The following JMJD1C variants were observed in gnomAD, a reference collection of about 807,000 sequenced individuals.
JMJD1C encodes jumonji domain-containing protein 1C.
A neutral mutation model predicts 245.3 loss-of-function variants in JMJD1C; 31 were observed. That is an observed-to-expected ratio of 0.13 (90% CI 0.09 to 0.17). JMJD1C has a LOEUF of 0.17. JMJD1C is among the 10% of genes least tolerant of loss of function. The pLI is 1.00. For synonymous variants in JMJD1C, 1,057 were observed against 1,017.4 expected, an observed-to-expected ratio of 1.04 and a Z score of -0.74; for missense variants, 2,691 against 3,000.2, an observed-to-expected ratio of 0.90 and a Z score of 2.41.
At chr10:63,389,456 CTT>C (rs201032087) in intron 1 of JMJD1C, among the ~76,000 whole-genome samples, 59 of 139,472 alleles carry the variant, frequency 4.2e-4, no homozygotes, top group Admixed American at 1.3e-3. Flanking sequence ...TTTTTTTTTC[CTT>C]TTTTTTTTTT....
At chr10:63,437,531 C>T (rs1273637995) in intron 1 of JMJD1C, among the ~76,000 whole-genome samples, 1 of 152,166 alleles carries the variant, frequency 6.6e-6, no homozygotes, top group African/African-American at 2.4e-5. Flanking sequence ...TCCTTAGTTG[C>T]ATCATCAACT....
intron 16 of JMJD1C, among the ~76,000 whole-genome samples, 164 bp downstream of exon 16, chr10:63,192,774 G>A (rs758560038): frequency 6.6e-6 from 1 of 152,038 alleles, no homozygotes; most frequent in Non-Finnish European, 1.5e-5. Context: ...TTCCTAATAA[G>A]TGAAGACAAA....
chr10:63,288,803 C>T (rs973960613), intron 2 of JMJD1C, among the ~76,000 whole-genome samples: 3 of 151,506 alleles, frequency 2.0e-5, no homozygotes, highest in African/African-American at 7.3e-5. Context: ...TGCTTGAACC[C>T]GGGAGGCAGA....
intron 3 of JMJD1C, among the ~76,000 whole-genome samples, chr10:63,234,960 A>G (rs1342187136): frequency 6.6e-6 from 1 of 152,038 alleles, no homozygotes; most frequent in Non-Finnish European, 1.5e-5. Flanking sequence ...GAGGGCATAC[A>G]TTTTCTTTAC....
At chr10:63,248,546 A>G (rs1294883879) in intron 3 of JMJD1C, among the ~76,000 whole-genome samples, 1 of 151,556 alleles carries the variant, frequency 6.6e-6, no homozygotes, top group Non-Finnish European at 1.5e-5. Flanking sequence ...AAATAAATAA[A>G]TAAATAAATA....
At chr10:63,360,427 A>G (rs1018829747) in intron 2 of JMJD1C, among the ~76,000 whole-genome samples, 3 of 152,344 alleles carry the variant, frequency 2.0e-5, no homozygotes, top group Middle Eastern at 3.4e-3. Flanking sequence ...TTATATACCT[A>G]ATCTACTCTG....
chr10:63,496,537 C>A (rs950903659), intron 1 of JMJD1C, among the ~76,000 whole-genome samples: 5 of 152,114 alleles, frequency 3.3e-5, no homozygotes, highest in African/African-American at 1.2e-4. Flanking sequence ...GTGGGAGAGT[C>A]CCTTGAATTC....
chr10:63,508,657 T>C (rs946732590), intron 1 of JMJD1C, among the ~76,000 whole-genome samples: 1 of 152,228 alleles, frequency 6.6e-6, no homozygotes, highest in Non-Finnish European at 1.5e-5. Flanking sequence ...TTTTCTTTCA[T>C]CAGTTTTGTA....
intron 1 of JMJD1C, among the ~76,000 whole-genome samples, chr10:63,461,954 T>C (rs1952827495): frequency 6.6e-6 from 1 of 152,166 alleles, no homozygotes; most frequent in Non-Finnish European, 1.5e-5. Flanking sequence ...ACAAATATTA[T>C]GCAACAGTAC....
intron 1 of JMJD1C, among the ~76,000 whole-genome samples, chr10:63,384,997 G>A (rs996522876): frequency 7.2e-5 from 11 of 152,088 alleles, no homozygotes; most frequent in Admixed American, 1.3e-4. Context: ...AGAGATGTGT[G>A]ACTATTCCTT....
At chr10:63,264,554 A>G in intron 3 of JMJD1C, 97 bp downstream of exon 3, 1 of 607,470 alleles carries the variant, frequency 1.6e-6, no homozygotes, top group South Asian at 2.2e-5. Context: ...TAGAAGTTAG[A>G]TGAAATGATA....
intron 1 of JMJD1C, among the ~76,000 whole-genome samples, chr10:63,520,505 C>CAAA (rs34697427): frequency 9.9e-5 from 11 of 111,312 alleles, no homozygotes; most frequent in South Asian, 2.7e-4. Flanking sequence ...GGTACTGTCA[C>CAAA]AAAAAAAAAA....
intron 2 of JMJD1C, among the ~76,000 whole-genome samples, chr10:63,359,716 CAG>C (rs1232332938): frequency 8.3e-4 from 126 of 152,214 alleles, no homozygotes; most frequent in African/African-American, 2.8e-3. Context: ...ATCATTTTAT[CAG>C]AGTTACTAAT....
chr10:63,442,064 T>C (rs1346709040), intron 1 of JMJD1C, among the ~76,000 whole-genome samples: 1 of 152,240 alleles, frequency 6.6e-6, no homozygotes, highest in Non-Finnish European at 1.5e-5. Flanking sequence ...TTGAGGTAAC[T>C]GGTGAGATCT....
intron 1 of JMJD1C, among the ~76,000 whole-genome samples, chr10:63,393,721 A>T (rs1294684738): frequency 6.6e-6 from 1 of 152,172 alleles, no homozygotes; most frequent in Non-Finnish European, 1.5e-5. Flanking sequence ...CTACTCAACT[A>T]TTGGTAGATG....
chr10:63,190,214 AT>A (rs896929946), intron 17 of JMJD1C, among the ~76,000 whole-genome samples: 2 of 138,168 alleles, frequency 1.4e-5, no homozygotes, highest in East Asian at 4.4e-4. Context: ...ATATACTTTT[AT>A]TTTTTTTGAG....
rs762708090 is a variant in JMJD1C at position 63,184,674 on chromosome 10, A to G, written c.6895T>C (p.Leu2299=). 1 of 1,613,884 alleles carries G rather than the reference A, an allele frequency of 6.2e-7. No homozygotes were observed. The highest frequency in any genetic ancestry group is 1.1e-5 in the South Asian group (1 of 91,040). The change falls in exon 21 of 26, where the codon TTG becomes CTG. Residue 2299 remains leucine (L), a synonymous_variant. Transcript: ENST00000399262. ...AAAAATCCTGGCAAATGAGAGGCCA[A>G]ATTGAATTTTCCTTCTGGATTACAA... ...EYCNPEGKFN[L]ASHLPGFFVR... is the part of the protein sequence containing the mutation.
chr10:63,356,802 G>A (rs1944882144), intron 2 of JMJD1C, among the ~76,000 whole-genome samples: 1 of 152,072 alleles, frequency 6.6e-6, no homozygotes, highest in South Asian at 2.1e-4. Context: ...GGGAAATACA[G>A]GAAGAGAAAG....
At chr10:63,452,896 T>C (rs546713438) in intron 1 of JMJD1C, among the ~76,000 whole-genome samples, 1 of 152,254 alleles carries the variant, frequency 6.6e-6, no homozygotes, top group South Asian at 2.1e-4. Flanking sequence ...AGTTTCTGTT[T>C]GGGATGATAA....
Sources: allele counts gnomAD v4.1 joint callset (sites outside exome capture counted in the v4.1 genomes callset), GRCh38; gene constraint gnomAD v4.1.1; transcripts MANE v1.5; gene names NCBI Gene and HGNC (gene_info 2026-07-23, HGNC 2026-07-21).